LMLN: variants seen among roughly 807,000 people sequenced by gnomAD.
LMLN encodes leishmanolysin-like peptidase.
A neutral mutation model predicts 92.3 loss-of-function variants in LMLN; 70 were observed. The observed-to-expected ratio is 0.76, with a 90% CI of 0.63 to 0.92. The LOEUF (loss-of-function observed/expected upper bound fraction) is 0.92. LMLN is among the 40% of genes least tolerant of loss of function. The pLI, the probability that LMLN is intolerant of heterozygous loss-of-function variation, is 0.00. For synonymous variants in LMLN, 308 were observed against 296.2 expected (o/e 1.04, Z -0.41); for missense variants, 691 against 814.6 (o/e 0.85, Z 1.85).
intron 10 of LMLN, among the ~76,000 whole-genome samples, chr3:197,997,126 T>C (rs1416393773): frequency 3.3e-5 from 5 of 151,884 alleles, no homozygotes; most frequent in Non-Finnish European, 5.9e-5. Context: ...TCTTTTTCCT[T>C]TTCTTTTAAC....
intron 1 of LMLN, among the ~76,000 whole-genome samples, chr3:197,970,916 C>T (rs539832497): frequency 2.0e-5 from 3 of 152,304 alleles, no homozygotes; most frequent in Admixed American, 6.5e-5. Context: ...TCCATTCCCA[C>T]GAATAACTTC....
At chr3:198,040,347 A>C (rs1242715499) in exon 16 of LMLN, 1 of 152,232 alleles carries the variant, frequency 6.6e-6, no homozygotes, top group Non-Finnish European at 1.5e-5. Flanking sequence ...CCCAGAAGCA[A>C]TTTTACACTG....
intron 9 of LMLN, 104 bp downstream of exon 9, chr3:197,990,780 C>A: frequency 1.8e-6 from 1 of 545,758 alleles, no homozygotes; most frequent in South Asian, 2.8e-5. Flanking sequence ...TAATTAGAGC[C>A]TATAGTAGGA....
chr3:198,037,945 T>C (rs1258748509), intron 15 of LMLN, among the ~76,000 whole-genome samples: 3 of 152,238 alleles, frequency 2.0e-5, no homozygotes, highest in African/African-American at 4.8e-5. Flanking sequence ...ATGCCTGTTG[T>C]CATTATTAAT....
chr3:197,993,560 G>A (rs1310588809), intron 9 of LMLN, among the ~76,000 whole-genome samples: 2 of 151,942 alleles, frequency 1.3e-5, no homozygotes, highest in Admixed American at 6.6e-5. Context: ...TAAAAGACCT[G>A]TACACTGAAA....
At chr3:197,987,584 A>G (rs1721748743) in intron 8 of LMLN, among the ~76,000 whole-genome samples, 2 of 152,216 alleles carry the variant, frequency 1.3e-5, no homozygotes. Context: ...AAAAAAAATG[A>G]CTTAGGTTAC....
At chr3:197,986,376 A>G (rs540857877) in intron 8 of LMLN, among the ~76,000 whole-genome samples, 5 of 152,298 alleles carry the variant, frequency 3.3e-5, no homozygotes, top group Non-Finnish European at 5.9e-5. Flanking sequence ...AGAAGGATCA[A>G]TTCAGCTCAG....
chr3:197,965,206 A>T (rs1203169192), intron 1 of LMLN, among the ~76,000 whole-genome samples: 3 of 152,044 alleles, frequency 2.0e-5, no homozygotes, highest in Non-Finnish European at 4.4e-5. Flanking sequence ...TTTTGTAGAG[A>T]CAGAGTCTTG....
At chr3:197,997,509 T>A (rs1722060665) in intron 10 of LMLN, among the ~76,000 whole-genome samples, 1 of 152,176 alleles carries the variant, frequency 6.6e-6, no homozygotes, top group African/African-American at 2.4e-5. Flanking sequence ...TAAATCTGAG[T>A]ATTGAGGACA....
chr3:197,979,686 G>A (rs1222781413), intron 5 of LMLN, among the ~76,000 whole-genome samples: 1 of 152,070 alleles, frequency 6.6e-6, no homozygotes, highest in Admixed American at 6.6e-5. Flanking sequence ...CATGGTGGCA[G>A]GCACCTGTAA....
intron 11 of LMLN, among the ~76,000 whole-genome samples, chr3:198,012,064 T>G (rs1189489072): frequency 6.6e-6 from 1 of 152,222 alleles, no homozygotes; most frequent in Non-Finnish European, 1.5e-5. Flanking sequence ...AAGTGTTTTT[T>G]TTATTTTTTA....
chr3:197,976,557 T>C (rs745970644), intron 4 of LMLN, 41 bp from the exon 5 acceptor site: 5 of 1,145,982 alleles, frequency 4.4e-6, no homozygotes, highest in Non-Finnish European at 6.3e-6. Context: ...TAAAATATTC[T>C]CTTTTTTGTA....
At chr3:197,985,970 A>T in intron 8 of LMLN, 80 bp downstream of exon 8, 1 of 835,412 alleles carries the variant, frequency 1.2e-6, no homozygotes, top group East Asian at 2.4e-5. Flanking sequence ...AGTATATTAG[A>T]TGCCATAAAT....
At chr3:197,981,928 C>A (rs1451958445) in intron 6 of LMLN, among the ~76,000 whole-genome samples, 1 of 152,078 alleles carries the variant, frequency 6.6e-6, no homozygotes, top group African/African-American at 2.4e-5. Context: ...CCTCAGCTTC[C>A]CAAGTAGCTG....
intron 5 of LMLN, among the ~76,000 whole-genome samples, chr3:197,979,884 G>A (rs7643385): frequency 0.38 from 57,843 of 152,048 alleles, 15,731 homozygotes; most frequent in African/African-American, 0.78. Flanking sequence ...ACAAGATGTG[G>A]ATTGCATTAT....
chr3:198,029,265 C>A (rs1325482314), intron 14 of LMLN, among the ~76,000 whole-genome samples: 4 of 152,198 alleles, frequency 2.6e-5, no homozygotes, highest in African/African-American at 9.7e-5. Flanking sequence ...AGTTTCCTAA[C>A]TAATTTCCCT....
chr3:197,975,349 A>C (rs932324008), intron 3 of LMLN, among the ~76,000 whole-genome samples: 1 of 149,940 alleles, frequency 6.7e-6, no homozygotes, highest in African/African-American at 2.5e-5. Flanking sequence ...AATCATGCAG[A>C]GAATAGGGTG....
At chr3:197,977,597 TA>T (rs1232715332) in intron 5 of LMLN, among the ~76,000 whole-genome samples, 1 of 148,878 alleles carries the variant, frequency 6.7e-6, no homozygotes. Flanking sequence ...TGGATACATA[TA>T]AAAATTATCA....
At chr3:197,965,733 G>A (rs896719860) in intron 1 of LMLN, among the ~76,000 whole-genome samples, 2 of 152,150 alleles carry the variant, frequency 1.3e-5, no homozygotes, top group African/African-American at 4.8e-5. Flanking sequence ...GGGCAACTTA[G>A]TGAAACCCCG....
Sources: gnomAD v4.1 joint callset for allele counts (sites outside exome capture counted in the v4.1 genomes callset) on GRCh38, gnomAD v4.1.1 for gene constraint, MANE v1.5 for transcripts, NCBI Gene and HGNC (gene_info 2026-07-23, HGNC 2026-07-21) for gene names.